THEMIS: variants seen among roughly 807,000 people sequenced by gnomAD.
The protein encoded by THEMIS is protein THEMIS.
In THEMIS, 37 loss-of-function variants were observed where a neutral mutation model predicts 52.6. The observed-to-expected ratio is 0.70, with a 90% CI of 0.54 to 0.93. The LOEUF (loss-of-function observed/expected upper bound fraction) is 0.93, where lower values mean the gene tolerates loss of function less well. Among genes scored for constraint, THEMIS ranks in the 40% least tolerant of loss-of-function variants. The pLI, the probability that THEMIS is intolerant of heterozygous loss-of-function variation, is 0.00. For missense variants in THEMIS, 808 were observed against 763.1 expected (o/e 1.06, Z -0.69); for synonymous variants, 292 against 272.7 (o/e 1.07, Z -0.70).
chr6:127,757,771 C>A (rs970360700), intron 4 of THEMIS, among the ~76,000 whole-genome samples: 1 of 152,148 alleles, frequency 6.6e-6, no homozygotes, highest in Non-Finnish European at 1.5e-5. Context: ...GCATGAACCA[C>A]CATGCCCGGC....
At chr6:127,853,933 A>G (rs1170435168) in intron 2 of THEMIS, among the ~76,000 whole-genome samples, 2 of 151,644 alleles carry the variant, frequency 1.3e-5, no homozygotes, top group Non-Finnish European at 3.0e-5. Context: ...ACAACCAACT[A>G]TAGTCTGATA....
chr6:127,916,320 T>C (rs1028235203), intron 1 of THEMIS, among the ~76,000 whole-genome samples: 1 of 152,042 alleles, frequency 6.6e-6, no homozygotes, highest in Admixed American at 6.6e-5. Flanking sequence ...TATAGCTATA[T>C]TACAATAAAA....
intron 2 of THEMIS, among the ~76,000 whole-genome samples, chr6:127,836,551 CA>C (rs1316290658): frequency 6.6e-6 from 1 of 152,068 alleles, no homozygotes; most frequent in Non-Finnish European, 1.5e-5. Flanking sequence ...TATAATTTCC[CA>C]ATGTAACCAT....
In THEMIS at chr6:127,719,772, C is replaced by A; in HGVS notation, c.1810G>T (p.Asp604Tyr). The change falls in exon 5 of 6, where the codon GAT becomes TAT. Residue 604 changes from aspartate to tyrosine, a missense_variant. Asp to Tyr is a radical substitution (Grantham distance 160, BLOSUM62 -3). Coordinates refer to ENST00000368248, the MANE Select transcript of THEMIS (RefSeq NM_001010923.3). ...KKLHPNQAGL[D>Y]SKVLIGSQND... is the part of the protein sequence containing the mutation. ...TGACTACCAATCAGTACTTTTGAAT[C>A]CAGGCCAGCTTGATTTGGGTGAAGT... is the stretch of plus-strand genomic sequence containing the variant. 6.2e-7 allele frequency: 1 copy of A among 1,612,416 alleles called. No individual in the cohort carries two copies. The highest frequency in any genetic ancestry group is 8.5e-7 in the Non-Finnish European group (1 of 1,178,998).
intron 3 of THEMIS, among the ~76,000 whole-genome samples, chr6:127,828,916 A>AAAAC (rs1485342081): frequency 6.6e-6 from 1 of 152,178 alleles, no homozygotes; most frequent in South Asian, 2.1e-4. Flanking sequence ...TCAAAACAAA[A>AAAAC]AAACAAACAA....
intron 4 of THEMIS, among the ~76,000 whole-genome samples, chr6:127,774,249 A>G (rs778271300): frequency 6.6e-6 from 1 of 152,242 alleles, no homozygotes; most frequent in Non-Finnish European, 1.5e-5. Flanking sequence ...TCTGTCGCCC[A>G]GGCTGGAGTG....
chr6:127,809,386 A>C (rs1177583211), intron 4 of THEMIS, among the ~76,000 whole-genome samples: 1 of 152,186 alleles, frequency 6.6e-6, no homozygotes, highest in Non-Finnish European at 1.5e-5. Flanking sequence ...TAGATTATGA[A>C]GAAACTGAAA....
intron 4 of THEMIS, among the ~76,000 whole-genome samples, chr6:127,801,761 G>A (rs1347434056): frequency 6.6e-6 from 1 of 152,082 alleles, no homozygotes; most frequent in African/African-American, 2.4e-5. Context: ...TTCTGCTCAG[G>A]AGCCACCCCC....
chr6:127,777,189 T>G (rs895726550), intron 4 of THEMIS, among the ~76,000 whole-genome samples: 9 of 141,256 alleles, frequency 6.4e-5, no homozygotes, highest in South Asian at 2.1e-4. Flanking sequence ...ACACCTTGGG[T>G]TTTTTTTTTT....
At chr6:127,799,553 ATCTTTCTTTCTTTCTT>A (rs748513282) in intron 4 of THEMIS, among the ~76,000 whole-genome samples, 78 of 144,620 alleles carry the variant, frequency 5.4e-4, no homozygotes, top group African/African-American at 1.7e-3. Flanking sequence ...CTTTCTTTCT[ATCTTTCTTTCTTTCTT>A]TCTTTCTTTC....
chr6:127,760,077 G>A (rs990248978), intron 4 of THEMIS, among the ~76,000 whole-genome samples: 3 of 141,166 alleles, frequency 2.1e-5, no homozygotes, highest in South Asian at 2.2e-4. Flanking sequence ...GCTAAGAATC[G>A]AATCTCTTTT....
intron 5 of THEMIS, among the ~76,000 whole-genome samples, chr6:127,714,346 C>G (rs570220241): frequency 6.6e-6 from 1 of 151,534 alleles, no homozygotes; most frequent in Non-Finnish European, 1.5e-5. Flanking sequence ...TCCAATAAAA[C>G]TTTATTCATA....
chr6:127,781,748 C>T (rs1378172184), intron 4 of THEMIS, among the ~76,000 whole-genome samples: 1 of 152,152 alleles, frequency 6.6e-6, no homozygotes, highest in African/African-American at 2.4e-5. Flanking sequence ...AAGATTGTTG[C>T]CTGTTCCTTC....
chr6:127,913,859 T>G (rs1259620517), intron 1 of THEMIS, among the ~76,000 whole-genome samples: 2 of 152,212 alleles, frequency 1.3e-5, no homozygotes, highest in African/African-American at 4.8e-5. Context: ...GTGTGCTTGC[T>G]AGAACTTAAT....
At chr6:127,717,675 T>C (rs773251665) in intron 5 of THEMIS, among the ~76,000 whole-genome samples, 4 of 152,000 alleles carry the variant, frequency 2.6e-5, no homozygotes, top group African/African-American at 4.8e-5. Flanking sequence ...GTTGTTGACA[T>C]TGAATACCAA....
intron 4 of THEMIS, among the ~76,000 whole-genome samples, chr6:127,725,815 G>A (rs1327564919): frequency 1.3e-5 from 2 of 152,040 alleles, no homozygotes; most frequent in African/African-American, 4.8e-5. Context: ...GCTATCTTTT[G>A]ACCCTTTCCT....
chr6:127,872,935 G>C (rs1780201637), intron 1 of THEMIS, among the ~76,000 whole-genome samples: 1 of 152,156 alleles, frequency 6.6e-6, no homozygotes, highest in South Asian at 2.1e-4. Context: ...GAACTATTAA[G>C]TGAGTTCACC....
At chr6:127,746,733 A>T (rs1201609044) in intron 4 of THEMIS, among the ~76,000 whole-genome samples, 11 of 99,212 alleles carry the variant, frequency 1.1e-4, no homozygotes. Context: ...ATTATTATAT[A>T]ATTATATTAT....
chr6:127,855,266 A>G, intron 1 of THEMIS, 78 bp from the exon 2 acceptor site: 1 of 1,266,466 alleles, frequency 7.9e-7, no homozygotes, highest in Admixed American at 2.8e-5. Flanking sequence ...AGCTTAATAT[A>G]AAGTGTTTTA....
Sources: gnomAD v4.1 joint callset for allele counts (sites outside exome capture counted in the v4.1 genomes callset) on GRCh38, gnomAD v4.1.1 for gene constraint, MANE v1.5 for transcripts, NCBI Gene and HGNC (gene_info 2026-07-23, HGNC 2026-07-21) for gene names.